EPC2: variants seen among roughly 807,000 people sequenced by gnomAD.
The protein encoded by EPC2 is enhancer of polycomb homolog 2.
Under a neutral mutation model 92.1 loss-of-function variants are expected in EPC2, and 14 were observed. The observed-to-expected ratio is 0.15, with a 90% CI of 0.10 to 0.24. EPC2 has a LOEUF of 0.24. EPC2 is among the 10% of genes least tolerant of loss of function. The pLI, the probability that EPC2 is intolerant of heterozygous loss-of-function variation, is 1.00. For missense variants in EPC2, 755 were observed against 971.5 expected (o/e 0.78, Z 2.96); for synonymous variants, 340 against 334.7 (o/e 1.02, Z -0.17).
At chr2:148,767,457 T>C (rs539562650) in intron 7 of EPC2, among the ~76,000 whole-genome samples, 1 of 152,308 alleles carries the variant, frequency 6.6e-6, no homozygotes, top group South Asian at 2.1e-4. Flanking sequence ...TCTTAGACAA[T>C]CCTCATTAAT....
intron 1 of EPC2, among the ~76,000 whole-genome samples, chr2:148,655,740 G>A (rs2105351836): frequency 6.6e-6 from 1 of 152,262 alleles, no homozygotes; most frequent in Non-Finnish European, 1.5e-5. Flanking sequence ...TGGCCCAAAT[G>A]GCAATCTCAT....
chr2:148,720,088 C>G (rs971141183), intron 2 of EPC2, among the ~76,000 whole-genome samples: 2 of 152,132 alleles, frequency 1.3e-5, no homozygotes, highest in African/African-American at 2.4e-5. Context: ...CTCCTGGACA[C>G]TTTGTCCCAG....
At chr2:148,652,478 A>G (rs1273004250) in intron 1 of EPC2, among the ~76,000 whole-genome samples, 3 of 152,168 alleles carry the variant, frequency 2.0e-5, no homozygotes, top group Non-Finnish European at 4.4e-5. Context: ...TTAATTTTCA[A>G]AGTTGTAAGG....
rs757376198 is a variant in EPC2, at chr2:148,765,015, T to C, written c.1009T>C (p.Tyr337His). The C allele has an allele frequency of 2.5e-6, 4 of 1,605,768 alleles. No individual in the cohort carries two copies. Among genetic ancestry groups the C allele is most frequent in the Non-Finnish European group, 3.4e-6 (4 of 1,175,670 alleles). Reference protein sequence around the residue: ...ASDVVRQKKKYPKKPKAEALI... With the variant: ...ASDVVRQKKKHPKKPKAEALI... ...TGATGTGGTTCGTCAAAAGAAGAAG[T>C]ACCCAAAGAAGCCTAAAGCAGAGGC... Residue 337 changes from tyrosine to histidine, a missense_variant, in exon 7 of 14, where the codon TAC becomes CAC. Physicochemically the swap from Tyr to His is moderately conservative, Grantham distance 83. This residue lies in a region of EPC2 where 509 missense variants were observed against 607.7 expected (regional missense o/e 0.84). Coordinates refer to ENST00000258484, the MANE Select transcript of EPC2 (RefSeq NM_015630.4).
chr2:148,709,660 A>G (rs1682090013), intron 2 of EPC2, among the ~76,000 whole-genome samples: 1 of 152,110 alleles, frequency 6.6e-6, no homozygotes, highest in Non-Finnish European at 1.5e-5. Flanking sequence ...ATAAACCAAC[A>G]GAACAGAACA....
chr2:148,721,710 TTC>T (rs1343230990), intron 2 of EPC2, among the ~76,000 whole-genome samples: 1 of 129,714 alleles, frequency 7.7e-6, no homozygotes, highest in East Asian at 3.9e-4. Context: ...TTCTGTTTTA[TTC>T]TTTTTTTTTT....
intron 2 of EPC2, among the ~76,000 whole-genome samples, chr2:148,705,551 G>A (rs1485092087): frequency 1.5e-4 from 23 of 152,170 alleles, no homozygotes. Flanking sequence ...CCCCTGTGCA[G>A]CCTAACTTGG....
intron 2 of EPC2, among the ~76,000 whole-genome samples, chr2:148,707,126 A>C (rs1682017763): frequency 1.3e-5 from 2 of 152,198 alleles, no homozygotes; most frequent in African/African-American, 4.8e-5. Flanking sequence ...AGACACACAT[A>C]GGCTCAAAAT....
At chr2:148,723,119 C>T (rs1191477974) in intron 2 of EPC2, among the ~76,000 whole-genome samples, 1 of 152,066 alleles carries the variant, frequency 6.6e-6, no homozygotes, top group African/African-American at 2.4e-5. Flanking sequence ...TATCAAACCC[C>T]CATGAGATGC....
chr2:148,776,643 C>T (rs1440934398), intron 10 of EPC2, among the ~76,000 whole-genome samples: 1 of 152,140 alleles, frequency 6.6e-6, no homozygotes, highest in East Asian at 1.9e-4. Flanking sequence ...TCTCTCTACC[C>T]TTTAATCCTG....
intron 2 of EPC2, among the ~76,000 whole-genome samples, chr2:148,707,886 G>C (rs957090171): frequency 5.3e-5 from 8 of 152,284 alleles, no homozygotes; most frequent in African/African-American, 1.7e-4. Context: ...ACACCCACAA[G>C]AGAAAGCAGG....
At chr2:148,700,028 T>C (rs1020843180) in intron 2 of EPC2, among the ~76,000 whole-genome samples, 1 of 152,202 alleles carries the variant, frequency 6.6e-6, no homozygotes, top group African/African-American at 2.4e-5. Context: ...TATATCTTCT[T>C]TAGTGTGGTG....
rs1191065623 is a variant in EPC2, at chr2:148,784,985, A to G, written c.2335A>G (p.Ile779Val). The change falls in exon 13 of 14, where the codon ATC (isoleucine) becomes GTC (valine). Residue 779 changes from isoleucine (I) to valine (V), a missense_variant. Transcript: ENST00000258484. The stretch of plus-strand genomic sequence containing the variant: ...GCCAAAGGTTACTCCCAGCAGTGCC[A>G]TCAGCAGCATAGCAAGGTGTGTGTG... ...RVPKVTPSSA[I>V]SSIARENHEP... is the part of the protein sequence containing the mutation. The G allele has an allele frequency of 2.0e-6, 3 of 1,520,494 alleles. No homozygotes were observed. Among genetic ancestry groups the G allele is most frequent in the Non-Finnish European group, 2.6e-6 (3 of 1,132,964 alleles). 94.2% of individuals were successfully genotyped at this position (1,520,494 alleles called of 1,614,324 possible).
intron 2 of EPC2, among the ~76,000 whole-genome samples, chr2:148,729,743 C>A (rs1213264143): frequency 1.3e-5 from 2 of 152,080 alleles, no homozygotes; most frequent in East Asian, 1.9e-4. Context: ...CTTTTAAAAT[C>A]ATTAAAAAAT....
rs1177175725 is a variant in EPC2 at position 148,644,995 on chromosome 2, T to C, written c.-23T>C. The C allele has an allele frequency of 2.7e-6, 4 of 1,488,644 alleles. No individual in the cohort carries two copies. In the South Asian group the frequency reaches 4.8e-5, roughly 18 times the overall value. The allele number at this position is 1,488,644 out of a possible 1,614,324, so 92.2% of individuals were successfully genotyped here. On this transcript the variant is annotated 5_prime_UTR_variant, in exon 1 of 14. Coordinates refer to ENST00000258484, the MANE Select transcript of EPC2 (RefSeq NM_015630.4). ...CCCGCCCCGCCGCCGCCGCCCGGGC[T>C]GTTCCTGTAAGGCGGGGAGACAATG...
At chr2:148,771,594 A>T (rs541230087) in intron 10 of EPC2, among the ~76,000 whole-genome samples, 82 of 152,206 alleles carry the variant, frequency 5.4e-4, no homozygotes, top group Middle Eastern at 3.4e-3. Flanking sequence ...GGTACGGTAA[A>T]TGTAGGCAGA....
chr2:148,716,789 T>A (rs1682271001), intron 2 of EPC2, among the ~76,000 whole-genome samples: 1 of 152,114 alleles, frequency 6.6e-6, no homozygotes, highest in African/African-American at 2.4e-5. Flanking sequence ...CCTTTTCAAT[T>A]TTTTGAACAG....
intron 6 of EPC2, 118 bp from the exon 7 acceptor site, chr2:148,764,837 A>G: frequency 1.3e-6 from 1 of 752,124 alleles, no homozygotes; most frequent in Non-Finnish European, 1.9e-6. Flanking sequence ...CGTATTAAAA[A>G]CAATAAAATC....
At chr2:148,677,738 C>T (rs538445023) in intron 1 of EPC2, among the ~76,000 whole-genome samples, 6 of 152,008 alleles carry the variant, frequency 3.9e-5, no homozygotes, top group African/African-American at 9.6e-5. Flanking sequence ...CTGGTGGGTT[C>T]GTGGTCTCGC....
Sources: allele counts gnomAD v4.1 joint callset (sites outside exome capture counted in the v4.1 genomes callset), GRCh38; gene constraint gnomAD v4.1.1; regional missense constraint gnomAD v4.1.1; transcripts MANE v1.5; gene names NCBI Gene and HGNC (gene_info 2026-07-23, HGNC 2026-07-21).